The following GPC5 variants were observed in gnomAD, a reference collection of about 807,000 sequenced individuals.
GPC5 encodes glypican 5.
Under a neutral mutation model 53.9 loss-of-function variants are expected in GPC5, and 47 were observed. The observed-to-expected ratio is 0.87, with a 90% CI of 0.69 to 1.11. The LOEUF (loss-of-function observed/expected upper bound fraction) is 1.11, where lower values mean the gene tolerates loss of function less well. Among genes scored for constraint, GPC5 ranks in the 50% most tolerant of loss-of-function variants. The probability of loss-of-function intolerance (pLI) is 0.00; values close to 1 mark genes in which losing one functional copy is unlikely to be tolerated. For synonymous variants in GPC5, 286 were observed against 263.3 expected (o/e 1.09, Z -0.84); for missense variants, 748 against 713.1 (o/e 1.05, Z -0.56).
chr13:92,401,394 C>T (rs952680391), intron 7 of GPC5, among the ~76,000 whole-genome samples: 11 of 151,936 alleles, frequency 7.2e-5, no homozygotes, highest in Non-Finnish European at 1.0e-4. Flanking sequence ...TATTGTACTT[C>T]CTTTCGCTAA....
intron 5 of GPC5, among the ~76,000 whole-genome samples, chr13:91,861,672 T>C (rs745745472): frequency 6.8e-6 from 1 of 147,352 alleles, no homozygotes; most frequent in Non-Finnish European, 1.5e-5. Flanking sequence ...TGACAATCTC[T>C]ACCTTACAAT....
intron 7 of GPC5, chr13:92,701,482 T>G (rs1372520514): frequency 2.0e-5 from 3 of 152,126 alleles, no homozygotes; most frequent in Non-Finnish European, 4.4e-5. Context: ...TCAGGGATTT[T>G]TCAGGGTCTG....
rs1286949582 is a variant in GPC5, at chr13:92,225,044, T to C, written c.1561+80055T>C. On this transcript the variant is annotated intron_variant, in intron 7 of 7. Coordinates refer to ENST00000377067, the MANE Select transcript of GPC5 (RefSeq NM_004466.6). ...TGTCAGTTTCACTTTCCATCTTCTA[T>C]ACCTTTGCTGACATGGTTTCCTAGC... Among the ~76,000 whole-genome samples the C allele has an allele frequency of 3.3e-5, 5 of 152,216 alleles. No homozygotes were observed. In the East Asian group the frequency reaches 9.7e-4, roughly 29 times the overall value.
At chr13:92,692,331 G>T (rs1887424306) in intron 7 of GPC5, among the ~76,000 whole-genome samples, 1 of 152,032 alleles carries the variant, frequency 6.6e-6, no homozygotes, top group Non-Finnish European at 1.5e-5. Flanking sequence ...GTGCTGCAAT[G>T]AATATACAGG....
intron 2 of GPC5, among the ~76,000 whole-genome samples, chr13:91,462,375 A>C (rs1018201731): frequency 2.0e-5 from 3 of 152,126 alleles, no homozygotes; most frequent in Non-Finnish European, 2.9e-5. Flanking sequence ...AGTCCTTTTC[A>C]AAACAGCACA....
At chr13:92,044,516 A>G (rs7327242) in intron 6 of GPC5, among the ~76,000 whole-genome samples, 67,150 of 151,964 alleles carry the variant, frequency 0.44, 15,177 homozygotes, top group Admixed American at 0.52. Flanking sequence ...AAGCTAACGT[A>G]TGTGTTTTAC....
chr13:92,263,321 C>T (rs968311521), intron 7 of GPC5, among the ~76,000 whole-genome samples: 20 of 152,226 alleles, frequency 1.3e-4, no homozygotes, highest in Admixed American at 3.9e-4. Context: ...AGAGCACAGA[C>T]GCATTCTTGA....
intron 6 of GPC5, among the ~76,000 whole-genome samples, chr13:92,047,253 T>C (rs566836750): frequency 6.6e-6 from 1 of 152,200 alleles, no homozygotes; most frequent in East Asian, 1.9e-4. Context: ...ACAAAATAGA[T>C]TGCAAAAACA....
intron 6 of GPC5, among the ~76,000 whole-genome samples, chr13:92,101,172 TTGAAA>T (rs1238178642): frequency 6.6e-6 from 1 of 152,194 alleles, no homozygotes; most frequent in African/African-American, 2.4e-5. Flanking sequence ...ATTAACGAAT[TTGAAA>T]TGAAATATCT....
At chr13:91,588,745 T>C (rs1222733812) in intron 2 of GPC5, among the ~76,000 whole-genome samples, 1 of 152,110 alleles carries the variant, frequency 6.6e-6, no homozygotes, top group African/African-American at 2.4e-5. Context: ...ATAACCTTCT[T>C]GTGTTGTTTA....
intron 2 of GPC5, among the ~76,000 whole-genome samples, chr13:91,674,609 G>A (rs577873703): frequency 8.9e-5 from 13 of 146,196 alleles, no homozygotes; most frequent in South Asian, 2.1e-4. Flanking sequence ...ATATATATGC[G>A]TATGTGTATA....
intron 7 of GPC5, among the ~76,000 whole-genome samples, chr13:92,460,695 A>C (rs2139409457): frequency 6.6e-6 from 1 of 152,264 alleles, no homozygotes. Flanking sequence ...AGGAAGGTCA[A>C]GTTGAACTCA....
At chr13:92,450,618 A>C (rs1012482472) in intron 7 of GPC5, among the ~76,000 whole-genome samples, 4 of 152,214 alleles carry the variant, frequency 2.6e-5, no homozygotes, top group Non-Finnish European at 5.9e-5. Flanking sequence ...CTATGCTTAG[A>C]AGCTGCAGGC....
At chr13:92,486,283 TCACCGAAAAATA>T (rs1455749621) in intron 7 of GPC5, among the ~76,000 whole-genome samples, 1 of 152,172 alleles carries the variant, frequency 6.6e-6, no homozygotes, top group Non-Finnish European at 1.5e-5. Flanking sequence ...AGCCTGACCT[TCACCGAAAAATA>T]CACTGAGAAA....
intron 2 of GPC5, among the ~76,000 whole-genome samples, chr13:91,478,107 T>C (rs1883037304): frequency 6.7e-6 from 1 of 148,456 alleles, no homozygotes; most frequent in African/African-American, 2.5e-5. Context: ...TTGTCGTTAG[T>C]TTTTTTTTTG....
chr13:92,464,830 G>A (rs1475223869), intron 7 of GPC5, among the ~76,000 whole-genome samples: 1 of 151,742 alleles, frequency 6.6e-6, no homozygotes, highest in East Asian at 1.9e-4. Context: ...AACATTATTA[G>A]AGGAACTTTA....
chr13:91,962,514 T>TA (rs1385939143), intron 6 of GPC5, among the ~76,000 whole-genome samples: 1 of 152,182 alleles, frequency 6.6e-6, no homozygotes, highest in Non-Finnish European at 1.5e-5. Context: ...ATTTATCTAA[T>TA]AGACTTAATT....
intron 7 of GPC5, among the ~76,000 whole-genome samples, chr13:92,382,194 A>G (rs1371497164): frequency 6.6e-6 from 1 of 151,880 alleles, no homozygotes; most frequent in Non-Finnish European, 1.5e-5. Flanking sequence ...AGAATGATAC[A>G]ATGGACTTTG....
intron 2 of GPC5, among the ~76,000 whole-genome samples, chr13:91,674,014 A>G (rs2139689488): frequency 1.3e-5 from 2 of 152,352 alleles, no homozygotes; most frequent in Admixed American, 1.3e-4. Flanking sequence ...CTTTGCTTAT[A>G]GCACAAGCCA....
Sources: gnomAD v4.1 joint callset for allele counts (sites outside exome capture counted in the v4.1 genomes callset) on GRCh38, gnomAD v4.1.1 for gene constraint, MANE v1.5 for transcripts, NCBI Gene and HGNC (gene_info 2026-07-23, HGNC 2026-07-21) for gene names.